Variants in POLK observed in about 807,000 individuals in gnomAD.
The protein encoded by POLK is DNA polymerase kappa.
In POLK, 76 loss-of-function variants were observed where a neutral mutation model predicts 94.0. The ratio of observed to expected loss-of-function variants is 0.81; its 90% CI spans 0.67 to 0.98. The LOEUF is 0.98. Ranked by LOEUF, POLK falls within the 50% of genes least tolerant of loss-of-function variation. The pLI, the probability that POLK is intolerant of heterozygous loss-of-function variation, is 0.00. For synonymous variants in POLK, 349 were observed against 325.4 expected (o/e 1.07, Z -0.78); for missense variants, 954 against 1,010.1 (o/e 0.94, Z 0.75).
chr5:75,546,126 G>A (rs567658805), intron 1 of POLK, among the ~76,000 whole-genome samples: 5 of 152,186 alleles, frequency 3.3e-5, no homozygotes, highest in South Asian at 2.1e-4. Context: ...CCTGAAGAAC[G>A]TAACTACTAA....
chr5:75,526,573 T>TC (rs1491450703), intron 1 of POLK, among the ~76,000 whole-genome samples: 8 of 147,706 alleles, frequency 5.4e-5, no homozygotes, highest in African/African-American at 2.1e-4. Context: ...GTTTTTTTTT[T>TC]GTTTTTTTTT....
chr5:75,574,102 A>C (rs528832201), intron 5 of POLK, among the ~76,000 whole-genome samples: 1 of 152,288 alleles, frequency 6.6e-6, no homozygotes, highest in East Asian at 1.9e-4. Context: ...TTGCTTAGAA[A>C]ACTTCCCATT....
At chr5:75,584,658 C>T (rs997609063) in intron 8 of POLK, 102 bp from the exon 9 acceptor site, 2 of 671,030 alleles carry the variant, frequency 3.0e-6, no homozygotes, top group African/African-American at 1.9e-5. Flanking sequence ...GCAACAAGAG[C>T]GAGACTCCAT....
intron 3 of POLK, among the ~76,000 whole-genome samples, chr5:75,566,364 A>C (rs944694834): frequency 6.6e-6 from 1 of 152,120 alleles, no homozygotes; most frequent in African/African-American, 2.4e-5. Context: ...CCCGTTTCCC[A>C]GGGAATGAAC....
Position 75,517,144 on chromosome 5 carries a change from A to G in POLK, c.-14+5230A>G, listed in dbSNP as rs561014763. Among the ~76,000 whole-genome samples, 3 of 152,224 alleles carry G rather than the reference A, an allele frequency of 2.0e-5. No homozygotes were observed. In the East Asian group the frequency reaches 5.8e-4, roughly 29 times the overall value. On this transcript the variant is annotated intron_variant, in intron 1 of 14. Transcript: ENST00000241436. ...CTATTCAGAGTCTTTTTGTGGTTCT[A>G]TATACGTTTTAGGATTCTTTTTCTA...
chr5:75,608,486 C>G, the POLK span, among the ~76,000 whole-genome samples: 2 of 152,122 alleles, frequency 1.3e-5, no homozygotes, highest in African/African-American at 4.8e-5. Context: ...TGAGACACCA[C>G]GCCTGGCCCA....
At chr5:75,532,178 T>C (rs921537094) in intron 1 of POLK, among the ~76,000 whole-genome samples, 5 of 152,186 alleles carry the variant, frequency 3.3e-5, no homozygotes, top group Non-Finnish European at 5.9e-5. Context: ...GGTGTACAGA[T>C]TGTCACCCAG....
intron 4 of POLK, among the ~76,000 whole-genome samples, chr5:75,570,787 C>T (rs1325729597): frequency 6.6e-6 from 1 of 152,144 alleles, no homozygotes; most frequent in Non-Finnish European, 1.5e-5. Flanking sequence ...TTCCTAACTC[C>T]TTCCCATGCC....
At chr5:75,577,007 A>G in intron 6 of POLK, 74 bp downstream of exon 6, 2 of 869,224 alleles carry the variant, frequency 2.3e-6, no homozygotes, top group Non-Finnish European at 1.7e-6. Flanking sequence ...GAATTAATCC[A>G]ATTAATTTAT....
At chr5:75,591,954 T>G (rs2112871730) in intron 11 of POLK, among the ~76,000 whole-genome samples, 1 of 152,372 alleles carries the variant, frequency 6.6e-6, no homozygotes, top group Non-Finnish European at 1.5e-5. Context: ...TAGTGTTTGC[T>G]AGGCTTCTCC....
intron 3 of POLK, among the ~76,000 whole-genome samples, chr5:75,555,644 G>T (rs946848549): frequency 6.6e-6 from 1 of 151,302 alleles, no homozygotes; most frequent in Non-Finnish European, 1.5e-5. Flanking sequence ...TCCACCTCCC[G>T]GGTTCAAGCT....
intron 1 of POLK, among the ~76,000 whole-genome samples, chr5:75,537,653 A>G (rs752273913): frequency 1.3e-5 from 2 of 151,948 alleles, no homozygotes; most frequent in East Asian, 3.9e-4. Context: ...GCTATAATCT[A>G]TTTGTTAGAA....
chr5:75,534,454 A>G (rs1375106334), intron 1 of POLK, among the ~76,000 whole-genome samples: 3 of 152,006 alleles, frequency 2.0e-5, no homozygotes, highest in African/African-American at 4.8e-5. Flanking sequence ...CATTTGGTCT[A>G]TTACCTCCTG....
intron 1 of POLK, among the ~76,000 whole-genome samples, chr5:75,538,365 A>T (rs79552445): frequency 0.049 from 7,513 of 152,294 alleles, 559 homozygotes; most frequent in African/African-American, 0.17. Context: ...AAAAAAATTA[A>T]GCTAACTTAA....
At chr5:75,554,529 G>T (rs1324584915) in intron 3 of POLK, among the ~76,000 whole-genome samples, 9 of 151,470 alleles carry the variant, frequency 5.9e-5, no homozygotes, top group African/African-American at 1.9e-4. Flanking sequence ...AAGTTCAGGG[G>T]TACATGTGTA....
intron 1 of POLK, among the ~76,000 whole-genome samples, chr5:75,543,654 A>G (rs919276392): frequency 2.0e-5 from 3 of 152,200 alleles, no homozygotes; most frequent in Non-Finnish European, 2.9e-5. Flanking sequence ...TGTAGATGAT[A>G]GTCAACATAT....
upstream of POLK, chr5:75,511,256 G>T: frequency 6.2e-7 from 1 of 1,600,126 alleles, no homozygotes; most frequent in Non-Finnish European, 8.5e-7. Context: ...CCTCAGCTGC[G>T]CCGGAGGAGG....
intron 7 of POLK, chr5:75,581,908 T>C (rs1260315302): frequency 4.7e-5 from 11 of 236,258 alleles, no homozygotes; most frequent in Non-Finnish European, 7.6e-5. Context: ...CTCCATATCC[T>C]GACCTCATGA....
chr5:75,525,505 C>G (rs1380825486), intron 1 of POLK, among the ~76,000 whole-genome samples: 1 of 151,962 alleles, frequency 6.6e-6, no homozygotes, highest in Non-Finnish European at 1.5e-5. Context: ...AAAACAACAA[C>G]AACAACAGAA....
Sources: gnomAD v4.1 joint callset for allele counts (sites outside exome capture counted in the v4.1 genomes callset) on GRCh38, gnomAD v4.1.1 for gene constraint, MANE v1.5 for transcripts, NCBI Gene and HGNC (gene_info 2026-07-23, HGNC 2026-07-21) for gene names.